The following NCOA2 variants were observed in gnomAD, a reference collection of about 807,000 sequenced individuals.
The protein encoded by NCOA2 is class E basic helix-loop-helix protein 75.
NCOA2 carries 21 observed loss-of-function variants against 145.1 expected under a neutral mutation model. The ratio of observed to expected loss-of-function variants is 0.14; its 90% CI spans 0.10 to 0.21. The LOEUF is 0.21. Among genes scored for constraint, NCOA2 ranks in the 10% least tolerant of loss-of-function variants. The probability of loss-of-function intolerance (pLI) is 1.00; values close to 1 mark genes in which losing one functional copy is unlikely to be tolerated. For missense variants in NCOA2, 1,472 were observed against 1,837.6 expected, an observed-to-expected ratio of 0.80 and a Z score of 3.64; for synonymous variants, 619 against 637.5, an observed-to-expected ratio of 0.97 and a Z score of 0.44.
intron 2 of NCOA2, among the ~76,000 whole-genome samples, chr8:70,220,862 A>AG (rs1202180213): frequency 1.3e-5 from 2 of 152,248 alleles, no homozygotes; most frequent in Non-Finnish European, 2.9e-5. Context: ...CATTATATAC[A>AG]GAACAAATTC....
At chr8:70,131,717 T>A in intron 16 of NCOA2, 120 bp downstream of exon 16, 1 of 1,079,418 alleles carries the variant, frequency 9.3e-7, no homozygotes, top group Non-Finnish European at 1.3e-6. Flanking sequence ...TGTTTTGAGG[T>A]AAAAAAAACA....
chr8:70,399,807 C>A (rs1035444594), intron 1 of NCOA2, among the ~76,000 whole-genome samples: 11 of 152,144 alleles, frequency 7.2e-5, no homozygotes, highest in Admixed American at 6.5e-4. Context: ...TATCCAATAT[C>A]CTAAAGAGTG....
chr8:70,399,091 C>T (rs114625650), intron 1 of NCOA2, among the ~76,000 whole-genome samples: 6 of 152,166 alleles, frequency 3.9e-5, no homozygotes, highest in Admixed American at 1.3e-4. Context: ...TAGAAATTAG[C>T]ATCTAGAATC....
chr8:70,320,324 A>ATAC (rs1805942824), intron 1 of NCOA2, among the ~76,000 whole-genome samples: 1 of 152,178 alleles, frequency 6.6e-6, no homozygotes, highest in Non-Finnish European at 1.5e-5. Flanking sequence ...CAAAATGCTG[A>ATAC]TACACAACAG....
intron 1 of NCOA2, among the ~76,000 whole-genome samples, chr8:70,304,982 G>T (rs1447274308): frequency 6.6e-6 from 1 of 150,482 alleles, no homozygotes; most frequent in Non-Finnish European, 1.5e-5. Flanking sequence ...TCGGCCTCCT[G>T]AGTAGCTAGG....
intron 21 of NCOA2, among the ~76,000 whole-genome samples, chr8:70,122,423 C>G (rs532548982): frequency 7.0e-6 from 1 of 143,316 alleles, no homozygotes; most frequent in East Asian, 2.0e-4. Context: ...CTAATTTAAA[C>G]TTTTTTTTTT....
chr8:70,194,986 G>C (rs1025826676), intron 4 of NCOA2, among the ~76,000 whole-genome samples: 7 of 152,228 alleles, frequency 4.6e-5, no homozygotes, highest in Non-Finnish European at 8.8e-5. Context: ...CCACTTATTA[G>C]CTGTGTGACT....
chr8:70,328,805 C>T (rs568089896), intron 1 of NCOA2, among the ~76,000 whole-genome samples: 11 of 152,088 alleles, frequency 7.2e-5, no homozygotes, highest in Admixed American at 4.6e-4. Context: ...AAAAATAGGA[C>T]AATACCAACA....
chr8:70,439,032 A>G, the NCOA2 span, among the ~76,000 whole-genome samples: 2 of 152,204 alleles, frequency 1.3e-5, no homozygotes, highest in African/African-American at 4.8e-5. Flanking sequence ...AAAATTGGTA[A>G]AGTAATAGTT....
chr8:70,184,692 G>A (rs907536058), intron 4 of NCOA2, among the ~76,000 whole-genome samples: 6 of 152,132 alleles, frequency 3.9e-5, no homozygotes, highest in Non-Finnish European at 7.3e-5. Context: ...TAAACGTGTA[G>A]AGAAAGACAG....
the NCOA2 span, chr8:70,424,390 C>A: frequency 5.1e-6 from 2 of 393,914 alleles, no homozygotes; most frequent in Non-Finnish European, 5.1e-6. Context: ...TCATATGTTC[C>A]ACCTCATCCT....
intron 2 of NCOA2, among the ~76,000 whole-genome samples, chr8:70,292,538 C>T (rs974426134): frequency 2.1e-5 from 3 of 142,552 alleles, no homozygotes; most frequent in African/African-American, 5.3e-5. Context: ...GCAACAAAGA[C>T]TCCATCTCAG....
chr8:70,174,971 G>C (rs1814661921), intron 4 of NCOA2, 112 bp from the exon 5 acceptor site: 5 of 943,182 alleles, frequency 5.3e-6, no homozygotes, highest in Admixed American at 1.9e-5. Flanking sequence ...ATCAGATGCA[G>C]CTACAAAAGA....
Position 70,235,269 on chromosome 8 carries a change from T to C in NCOA2, c.-19-18505A>G, listed in dbSNP as rs61436796. Among the ~76,000 whole-genome samples, 464 of 152,202 alleles carry C rather than the reference T, an allele frequency of 3.0e-3. 1 individual carries two copies. Among genetic ancestry groups the C allele is most frequent in the Middle Eastern group, 0.027 (8 of 294 alleles). On this transcript the variant is annotated intron_variant, in intron 2 of 22. Coordinates refer to ENST00000452400, the MANE Select transcript of NCOA2 (RefSeq NM_006540.4). ...AATTTATGAGACAGAAAGAGGAACA[T>C]AGATTATCAGGGGCTGGGGAGTGGG...
At chr8:70,330,230 T>TGAC (rs1352112445) in intron 1 of NCOA2, among the ~76,000 whole-genome samples, 1 of 151,706 alleles carries the variant, frequency 6.6e-6, no homozygotes, top group African/African-American at 2.4e-5. Context: ...ATGATGATGA[T>TGAC]GATGATGATC....
intron 2 of NCOA2, among the ~76,000 whole-genome samples, chr8:70,283,077 C>T (rs552384468): frequency 1.3e-5 from 2 of 152,342 alleles, no homozygotes; most frequent in Admixed American, 1.3e-4. Context: ...CTGGTTCATG[C>T]TGACTTAACT....
intron 4 of NCOA2, among the ~76,000 whole-genome samples, chr8:70,182,904 T>C (rs1184654040): frequency 2.6e-5 from 4 of 152,170 alleles, no homozygotes; most frequent in African/African-American, 9.7e-5. Flanking sequence ...GAAACATGGC[T>C]TCAGAAGTGC....
intron 1 of NCOA2, among the ~76,000 whole-genome samples, chr8:70,297,235 A>C: frequency 6.6e-6 from 1 of 151,630 alleles, no homozygotes; most frequent in Non-Finnish European, 1.5e-5. Context: ...AAATAAAGAA[A>C]GTTCCCATGC....
rs1185626184 is a variant in NCOA2, at chr8:70,357,324, T to A, written c.-77+46376A>T. 5 of 152,272 alleles carry A rather than the reference T, an allele frequency of 3.3e-5. No homozygotes were observed. In the East Asian group the frequency reaches 9.6e-4, roughly 29 times the overall value. The allele number at this position is 152,272 out of a possible 1,614,324, so 9.4% of individuals were successfully genotyped here. On this transcript the variant is annotated intron_variant, in intron 1 of 22. Coordinates refer to ENST00000452400, the MANE Select transcript of NCOA2 (RefSeq NM_006540.4). ...AGGCAAAAAAAAATTTTTTTTTTTT[T>A]TACACTGAAAACTACAAAACACGGC...
Sources: allele counts gnomAD v4.1 joint callset (sites outside exome capture counted in the v4.1 genomes callset), GRCh38; gene constraint gnomAD v4.1.1; transcripts MANE v1.5; gene names NCBI Gene and HGNC (gene_info 2026-07-23, HGNC 2026-07-21).